The following NAALADL2 variants were observed in gnomAD, a reference collection of about 807,000 sequenced individuals.
NAALADL2 encodes the protein inactive N-acetylated-alpha-linked acidic dipeptidase-like protein 2.
NAALADL2 carries 76 observed loss-of-function variants against 87.2 expected under a neutral mutation model. The ratio of observed to expected loss-of-function variants is 0.87; its 90% CI spans 0.72 to 1.05. The LOEUF is 1.05. Among genes scored for constraint, NAALADL2 ranks in the 50% least tolerant of loss-of-function variants. NAALADL2 has a pLI of 0.00. For missense variants in NAALADL2, 1,089 were observed against 945.8 expected (o/e 1.15, Z -1.99); for synonymous variants, 354 against 331.0 (o/e 1.07, Z -0.75).
At chr3:175,519,575 T>C (rs1389603526) in intron 9 of NAALADL2, among the ~76,000 whole-genome samples, 3 of 152,198 alleles carry the variant, frequency 2.0e-5, no homozygotes, top group Non-Finnish European at 4.4e-5. Flanking sequence ...TTTATTGAGT[T>C]AATAAATAGA....
intron 1 of NAALADL2, among the ~76,000 whole-genome samples, chr3:174,908,275 C>A (rs1449702192): frequency 2.6e-5 from 4 of 152,042 alleles, no homozygotes; most frequent in African/African-American, 7.3e-5. Context: ...TTCACCATGT[C>A]TTCACACCCC....
At chr3:175,086,583 T>C (rs1226690975) in intron 1 of NAALADL2, among the ~76,000 whole-genome samples, 1 of 152,220 alleles carries the variant, frequency 6.6e-6, no homozygotes, top group Non-Finnish European at 1.5e-5. Flanking sequence ...AAATGTTTTA[T>C]ATTTAATTTC....
chr3:175,751,570 G>T (rs954588937), intron 12 of NAALADL2, among the ~76,000 whole-genome samples: 1 of 152,036 alleles, frequency 6.6e-6, no homozygotes, highest in Non-Finnish European at 1.5e-5. Context: ...GAAGCTGAAG[G>T]CCTGTAGTAT....
intron 10 of NAALADL2, among the ~76,000 whole-genome samples, chr3:175,580,360 T>C (rs1171100182): frequency 6.6e-6 from 1 of 152,164 alleles, no homozygotes; most frequent in Non-Finnish European, 1.5e-5. Flanking sequence ...TATACAGATG[T>C]TGGAACAGTG....
intron 4 of NAALADL2, among the ~76,000 whole-genome samples, chr3:175,268,371 C>G (rs143653443): frequency 6.6e-6 from 1 of 152,044 alleles, no homozygotes; most frequent in Non-Finnish European, 1.5e-5. Flanking sequence ...GGGCACTTAG[C>G]GTCAGTAGAG....
intron 3 of NAALADL2, among the ~76,000 whole-genome samples, chr3:174,756,379 T>A (rs981251108): frequency 6.6e-6 from 1 of 152,174 alleles, no homozygotes; most frequent in Non-Finnish European, 1.5e-5. Context: ...CTCCTATATA[T>A]TCTAGGCCAG....
chr3:175,306,117 A>G (rs1195577774), intron 4 of NAALADL2, among the ~76,000 whole-genome samples: 1 of 152,032 alleles, frequency 6.6e-6, no homozygotes, highest in Non-Finnish European at 1.5e-5. Context: ...CTCAATGTTC[A>G]TTAAAATATT....
chr3:175,254,944 A>G (rs1448880846), intron 3 of NAALADL2, among the ~76,000 whole-genome samples: 2 of 152,202 alleles, frequency 1.3e-5, no homozygotes, highest in Non-Finnish European at 1.5e-5. Context: ...ATATTGTATG[A>G]GCTATAATCA....
chr3:175,619,221 A>G (rs1448551748), intron 10 of NAALADL2, among the ~76,000 whole-genome samples: 13 of 132,902 alleles, frequency 9.8e-5, no homozygotes, highest in Admixed American at 8.3e-5. Context: ...AAAAGAGAGA[A>G]AGAGAGAAAG....
In NAALADL2 at chr3:175,709,125, T is replaced by C. The variant is rs1029542792; in HGVS notation, c.1897-28181T>C. Among the ~76,000 whole-genome samples, 8 of 152,072 alleles carry C rather than the reference T, an allele frequency of 5.3e-5. No individual in the cohort carries two copies. In the South Asian group the frequency reaches 1.7e-3, roughly 31 times the overall value. On this transcript the variant is annotated intron_variant, in intron 11 of 13. Transcript: ENST00000454872. Reference sequence around the variant, plus strand: ...CCAGTTCTACAGGGGCCATCGTACCTCATGTTTCTGTATCCTGGAACCCTT... The same window carrying C: ...CCAGTTCTACAGGGGCCATCGTACCCCATGTTTCTGTATCCTGGAACCCTT...
intron 2 of NAALADL2, among the ~76,000 whole-genome samples, chr3:175,190,409 G>C (rs1737968056): frequency 6.6e-6 from 1 of 151,908 alleles, no homozygotes; most frequent in Non-Finnish European, 1.5e-5. Flanking sequence ...GAAAGACAAG[G>C]AAAACATAAA....
At chr3:175,717,206 T>C (rs1468525047) in intron 11 of NAALADL2, among the ~76,000 whole-genome samples, 1 of 152,106 alleles carries the variant, frequency 6.6e-6, no homozygotes, top group Non-Finnish European at 1.5e-5. Context: ...CCAAAGCACT[T>C]CGATTACAGG....
At chr3:175,377,064 G>A (rs759643770) in intron 5 of NAALADL2, among the ~76,000 whole-genome samples, 2 of 151,962 alleles carry the variant, frequency 1.3e-5, no homozygotes, top group South Asian at 2.1e-4. Context: ...TGTAATTCCA[G>A]TACTTTGGGA....
At chr3:175,210,494 A>T (rs1741610731) in intron 2 of NAALADL2, among the ~76,000 whole-genome samples, 1 of 151,754 alleles carries the variant, frequency 6.6e-6, no homozygotes, top group South Asian at 2.1e-4. Context: ...AGGTGAAAAT[A>T]TTGAAGAATA....
chr3:174,471,538 A>G (rs1456700679), intron 1 of NAALADL2, among the ~76,000 whole-genome samples: 4 of 150,708 alleles, frequency 2.7e-5, no homozygotes, highest in African/African-American at 4.9e-5. Context: ...ATTGTTTTCT[A>G]TTTTTTTCTA....
chr3:175,201,952 T>G (rs1740101903), intron 2 of NAALADL2, among the ~76,000 whole-genome samples: 1 of 152,194 alleles, frequency 6.6e-6, no homozygotes, highest in African/African-American at 2.4e-5. Flanking sequence ...TTTCTTAACT[T>G]TATGTATCAC....
intron 4 of NAALADL2, among the ~76,000 whole-genome samples, chr3:175,259,223 A>C (rs1165047463): frequency 6.6e-6 from 1 of 152,142 alleles, no homozygotes; most frequent in East Asian, 1.9e-4. Flanking sequence ...CCAACAACAG[A>C]TAGGTAAGAG....
At chr3:174,575,187 C>T (rs763958028) in intron 2 of NAALADL2, among the ~76,000 whole-genome samples, 1 of 152,028 alleles carries the variant, frequency 6.6e-6, no homozygotes, top group East Asian at 1.9e-4. Flanking sequence ...TTGATCAACT[C>T]TCCACTGCAG....
chr3:174,971,192 C>T (rs369350036), intron 1 of NAALADL2, among the ~76,000 whole-genome samples: 7 of 152,212 alleles, frequency 4.6e-5, no homozygotes, highest in Middle Eastern at 3.4e-3. Flanking sequence ...CCTCCCAAAA[C>T]GTGGGAATTC....
Sources: gnomAD v4.1 joint callset for allele counts (sites outside exome capture counted in the v4.1 genomes callset) on GRCh38, gnomAD v4.1.1 for gene constraint, MANE v1.5 for transcripts, NCBI Gene and HGNC (gene_info 2026-07-23, HGNC 2026-07-21) for gene names.